HERC3: variants seen among roughly 807,000 people sequenced by gnomAD.
HERC3 encodes the protein HECT and RLD domain containing E3 ubiquitin protein ligase 3.
HERC3 carries 58 observed loss-of-function variants against 129.9 expected under a neutral mutation model. The ratio of observed to expected loss-of-function variants is 0.45; its 90% CI spans 0.36 to 0.56. HERC3 has a LOEUF of 0.56. Among genes scored for constraint, HERC3 ranks in the 20% least tolerant of loss-of-function variants. The pLI, the probability that HERC3 is intolerant of heterozygous loss-of-function variation, is 0.00. For missense variants in HERC3, 835 were observed against 1,244.2 expected, an observed-to-expected ratio of 0.67 and a Z score of 4.95; for synonymous variants, 430 against 451.0, an observed-to-expected ratio of 0.95 and a Z score of 0.59.
In HERC3 at chr4:88,650,142, G is replaced by T. The variant is rs190611235; in HGVS notation, c.386+143G>T. ...TGTGCCTTATACTATTAAAACACTT[G>T]TCACAAAAGTTGCAATTATTTATAG... is the stretch of plus-strand genomic sequence containing the variant. On this transcript the variant is annotated intron_variant, in intron 4 of 25. Coordinates refer to ENST00000402738, the MANE Select transcript of HERC3 (RefSeq NM_014606.3). 3.9e-6 allele frequency: 3 copies of T among 761,246 alleles called. No individual in the cohort carries two copies. The South Asian group carries it at 7.9e-5, about 20-fold the overall frequency. 47.2% of individuals were successfully genotyped at this position (761,246 alleles called of 1,614,324 possible). A position where few individuals can be genotyped will look rare whatever the true frequency, so the allele number is the denominator to read the frequency against.
the HERC3 span, among the ~76,000 whole-genome samples, chr4:88,559,697 T>A: frequency 6.6e-6 from 1 of 152,040 alleles, no homozygotes; most frequent in Non-Finnish European, 1.5e-5. Flanking sequence ...GGGACAGGCA[T>A]TTAGGTTGTT....
the HERC3 span, among the ~76,000 whole-genome samples, chr4:88,552,502 C>T: frequency 2.0e-5 from 3 of 152,286 alleles, no homozygotes; most frequent in South Asian, 6.2e-4. Context: ...ATCTACCTAT[C>T]TTGGCCTCCC....
At chr4:88,558,087 A>G in the HERC3 span, among the ~76,000 whole-genome samples, 20 of 150,818 alleles carry the variant, frequency 1.3e-4, no homozygotes, top group Non-Finnish European at 2.2e-4. Flanking sequence ...AAAAAAAAAA[A>G]AAAAAAAAGA....
chr4:88,651,334 A>G (rs376363031), intron 4 of HERC3, among the ~76,000 whole-genome samples: 1 of 152,368 alleles, frequency 6.6e-6, no homozygotes, highest in South Asian at 2.1e-4. Context: ...GTTAATTGAA[A>G]TAAATTCACT....
rs73844020 is a variant in HERC3 at position 88,602,992 on chromosome 4, C to T, written c.-29-2803C>T. On this transcript the variant is annotated intron_variant, in intron 2 of 25. Transcript: ENST00000402738. ...CAAGGTTCTTTTTATTCATGCTTGG[C>T]AAAATACAGTTATTGTAAGGGTGTT... Among the ~76,000 whole-genome samples the T allele has an allele frequency of 1.4e-3, 219 of 152,184 alleles. 2 individuals carry two copies. Among genetic ancestry groups the T allele is most frequent in the African/African-American group, 4.9e-3 (203 of 41,512 alleles).
chr4:88,698,346 C>G (rs1734896388), intron 23 of HERC3, among the ~76,000 whole-genome samples: 1 of 152,052 alleles, frequency 6.6e-6, no homozygotes, highest in Non-Finnish European at 1.5e-5. Context: ...CATATCCAAG[C>G]TCTGTACCTA....
intron 3 of HERC3, among the ~76,000 whole-genome samples, chr4:88,621,348 C>A (rs535165886): frequency 6.6e-6 from 1 of 152,292 alleles, no homozygotes; most frequent in African/African-American, 2.4e-5. Flanking sequence ...CTCAGGTGAT[C>A]AACCCACTTG....
At chr4:88,684,540 T>C (rs992699204) in intron 21 of HERC3, among the ~76,000 whole-genome samples, 3 of 152,056 alleles carry the variant, frequency 2.0e-5, no homozygotes, top group African/African-American at 7.3e-5. Context: ...ATCTAGGCAA[T>C]ACCATTCAGG....
At chr4:88,553,256 T>C in the HERC3 span, among the ~76,000 whole-genome samples, 1 of 152,348 alleles carries the variant, frequency 6.6e-6, no homozygotes, top group African/African-American at 2.4e-5. Context: ...GGAAAGATTC[T>C]TGAACTCCTG....
chr4:88,629,947 T>C lies in HERC3; in HGVS notation c.227-19893T>C, dbSNP rs376438120. On this transcript the variant is annotated intron_variant, in intron 3 of 25. Coordinates refer to ENST00000402738, the MANE Select transcript of HERC3 (RefSeq NM_014606.3). ...TTGTGACTTAGTATAGAGAGCTTTT[T>C]ATTCTTTTTTAGGTCAGTCTATGGG... is the stretch of plus-strand genomic sequence containing the variant. Among the ~76,000 whole-genome samples, 28 of 152,314 alleles carry C rather than the reference T, an allele frequency of 1.8e-4. No individual in the cohort carries two copies. In the South Asian group the frequency reaches 3.5e-3, roughly 19 times the overall value.
chr4:88,634,466 C>T (rs1727132618), intron 3 of HERC3, among the ~76,000 whole-genome samples: 1 of 152,120 alleles, frequency 6.6e-6, no homozygotes, highest in Non-Finnish European at 1.5e-5. Flanking sequence ...CAACTAGGGG[C>T]TAAGGGACAG....
At chr4:88,536,259 A>G in the HERC3 span, among the ~76,000 whole-genome samples, 4 of 152,160 alleles carry the variant, frequency 2.6e-5, no homozygotes, top group Non-Finnish European at 5.9e-5. Flanking sequence ...TCATAGCTCC[A>G]TGTCTTTTGT....
chr4:88,563,659 CTTT>C, the HERC3 span, among the ~76,000 whole-genome samples: 15 of 138,316 alleles, frequency 1.1e-4, no homozygotes, highest in Non-Finnish European at 1.3e-4. Context: ...ATGTTCCTTC[CTTT>C]TTTTTTTTTT....
chr4:88,550,515 G>A, the HERC3 span, among the ~76,000 whole-genome samples: 2 of 152,014 alleles, frequency 1.3e-5, no homozygotes, highest in Admixed American at 1.3e-4. Context: ...GCCAAATCAT[G>A]AGTGAACTCC....
chr4:88,707,216 C>A lies in HERC3; in HGVS notation c.*256C>A. Reference sequence around the variant, plus strand: ...TTGTTTTTGTTTTAAACCAAACTACCCAGTATTCCTTGCACTTGTGAATGT... The same window carrying A: ...TTGTTTTTGTTTTAAACCAAACTACACAGTATTCCTTGCACTTGTGAATGT... On this transcript the variant is annotated 3_prime_UTR_variant, in exon 26 of 26. Transcript: ENST00000402738. 2.1e-6 allele frequency: 1 copy of A among 469,292 alleles called. No homozygotes were observed. The highest frequency in any genetic ancestry group is 3.9e-6 in the Non-Finnish European group (1 of 259,128). The allele number at this position is 469,292 out of a possible 1,614,324, so 29.1% of individuals were successfully genotyped here. A position where few individuals can be genotyped will look rare whatever the true frequency, so the allele number is the denominator to read the frequency against.
chr4:88,585,919 T>A, the HERC3 span, among the ~76,000 whole-genome samples: 2 of 152,330 alleles, frequency 1.3e-5, no homozygotes, highest in African/African-American at 4.8e-5. Flanking sequence ...AAAGATTTTT[T>A]AAAAATTACT....
At chr4:88,525,468 C>T in the HERC3 span, among the ~76,000 whole-genome samples, 3 of 152,184 alleles carry the variant, frequency 2.0e-5, no homozygotes, top group East Asian at 3.8e-4. Context: ...CAACCCTTGG[C>T]GCTTGTTGGG....
chr4:88,573,461 A>C, the HERC3 span, among the ~76,000 whole-genome samples: 10 of 152,208 alleles, frequency 6.6e-5, no homozygotes, highest in Non-Finnish European at 1.3e-4. Context: ...GGGACCCATG[A>C]AGCATGGACT....
At position 88,655,789 on chromosome 4, in the gene HERC3, G is replaced by A. The variant is rs949501671; in HGVS notation, c.909-86G>A. ...GCTCTATAGGAGCACCCTGTGCTGTGCACATGTGGAAGTTAAAAGTCAGAG... is the reference window on the plus strand; with the variant it reads ...GCTCTATAGGAGCACCCTGTGCTGTACACATGTGGAAGTTAAAAGTCAGAG... On this transcript the variant is annotated intron_variant, in intron 8 of 25. Coordinates refer to ENST00000402738, the MANE Select transcript of HERC3 (RefSeq NM_014606.3). 10 of 1,363,912 alleles carry A rather than the reference G, an allele frequency of 7.3e-6. No individual in the cohort carries two copies. In the African/African-American group the frequency reaches 1.4e-4, roughly 20 times the overall value. The allele number at this position is 1,363,912 out of a possible 1,614,324, so 84.5% of individuals were successfully genotyped here. A position where few individuals can be genotyped will look rare whatever the true frequency, so the allele number is the denominator to read the frequency against.
Sources: allele counts gnomAD v4.1 joint callset (sites outside exome capture counted in the v4.1 genomes callset), GRCh38; gene constraint gnomAD v4.1.1; transcripts MANE v1.5; gene names NCBI Gene and HGNC (gene_info 2026-07-23, HGNC 2026-07-21).